TMEM182: variants seen among roughly 807,000 people sequenced by gnomAD.
TMEM182 encodes transmembrane protein 182.
TMEM182 carries 20 observed loss-of-function variants against 26.8 expected under a neutral mutation model. The observed-to-expected ratio is 0.75, with a 90% confidence interval of 0.53 to 1.09. TMEM182 has a LOEUF of 1.09. Among genes scored for constraint, TMEM182 ranks in the 50% least tolerant of loss-of-function variants. The pLI is 0.00. For missense variants in TMEM182, 277 were observed against 275.5 expected (o/e 1.01, Z -0.04); for synonymous variants, 109 against 102.2 (o/e 1.07, Z -0.40).
chr2:102,788,420 C>T (rs1681489433), intron 3 of TMEM182, among the ~76,000 whole-genome samples: 1 of 152,072 alleles, frequency 6.6e-6, no homozygotes, highest in South Asian at 2.1e-4. Context: ...TCACCTGGTC[C>T]CCTGGGGTGG....
chr2:102,800,575 A>C (rs1314936820), intron 4 of TMEM182, among the ~76,000 whole-genome samples: 2 of 152,212 alleles, frequency 1.3e-5, no homozygotes, highest in Non-Finnish European at 2.9e-5. Flanking sequence ...AGTTCCAGTA[A>C]GGGTACACAT....
chr2:102,771,855 C>G (rs756977125), intron 3 of TMEM182, among the ~76,000 whole-genome samples: 24 of 152,154 alleles, frequency 1.6e-4, no homozygotes, highest in South Asian at 2.1e-4. Flanking sequence ...TTTAGTGGCA[C>G]CCCTTTGCCT....
At chr2:102,829,556 A>C (rs1683112443) in intron 3 of TMEM182, among the ~76,000 whole-genome samples, 1 of 152,166 alleles carries the variant, frequency 6.6e-6, no homozygotes, top group Non-Finnish European at 1.5e-5. Context: ...AAGAGTCACC[A>C]TGGAAAGAGT....
At chr2:102,833,764 A>C (rs73944440) in intron 3 of TMEM182, among the ~76,000 whole-genome samples, 4,734 of 152,264 alleles carry the variant, frequency 0.031, 245 homozygotes, top group African/African-American at 0.11. Flanking sequence ...ACATTTGAAG[A>C]GTACTGGTCA....
chr2:102,758,292 C>T (rs1319484322), upstream of TMEM182: 1 of 561,916 alleles, frequency 1.8e-6, no homozygotes, highest in African/African-American at 1.9e-5. Flanking sequence ...TGAAGAACAC[C>T]ACAGCTGCTT....
At chr2:102,828,349 G>C (rs1440002819) in intron 3 of TMEM182, among the ~76,000 whole-genome samples, 2 of 152,120 alleles carry the variant, frequency 1.3e-5, no homozygotes, top group Admixed American at 1.3e-4. Context: ...TGGAGACACT[G>C]TTTCTACTCA....
chr2:102,751,737 T>C (rs1485006182), intron 1 of TMEM182, among the ~76,000 whole-genome samples: 1 of 152,120 alleles, frequency 6.6e-6, no homozygotes, highest in Non-Finnish European at 1.5e-5. Context: ...AGGCTGGAAC[T>C]CACTGTCACC....
chr2:102,739,796 G>A (rs969695101), intron 1 of TMEM182, among the ~76,000 whole-genome samples: 1 of 152,122 alleles, frequency 6.6e-6, no homozygotes, highest in Non-Finnish European at 1.5e-5. Flanking sequence ...TTATAGCAAT[G>A]CAAGAATGGA....
chr2:102,773,427 G>C (rs1386544449), intron 3 of TMEM182, among the ~76,000 whole-genome samples: 2 of 151,926 alleles, frequency 1.3e-5, no homozygotes, highest in Non-Finnish European at 2.9e-5. Context: ...GTGGAAACCA[G>C]AAGAAAGCGA....
upstream of TMEM182, chr2:102,757,372 T>C (rs1341124198): frequency 1.3e-5 from 2 of 152,178 alleles, no homozygotes; most frequent in Admixed American, 1.3e-4. Flanking sequence ...TGGGACCCCA[T>C]GAAGATCCCT....
chr2:102,756,404 T>A (rs2104646771), intron 1 of TMEM182, among the ~76,000 whole-genome samples: 1 of 152,308 alleles, frequency 6.6e-6, no homozygotes. Context: ...ATTCCCATTT[T>A]CCATATTAAA....
chr2:102,836,118 C>T (rs1284421517), intron 3 of TMEM182, among the ~76,000 whole-genome samples: 1 of 152,100 alleles, frequency 6.6e-6, no homozygotes, highest in Non-Finnish European at 1.5e-5. Context: ...TTTGGAGGTA[C>T]CACAGTTCTC....
intron 3 of TMEM182, among the ~76,000 whole-genome samples, chr2:102,768,878 G>A (rs755475063): frequency 2.6e-4 from 40 of 151,868 alleles, no homozygotes; most frequent in Non-Finnish European, 3.2e-4. Context: ...GAGGCTACAA[G>A]CAGGGAGGCA....
chr2:102,756,373 C>T lies in TMEM182; in HGVS notation c.-82-2016C>T, dbSNP rs530018291. 3.9e-5 allele frequency among the ~76,000 whole-genome samples: 6 copies of T among 152,296 alleles called. No individual in the cohort carries two copies. The East Asian group carries it at 7.7e-4, about 20-fold the overall frequency. On this transcript the variant is annotated intron_variant, in intron 1 of 5. Coordinates refer to the TMEM182 transcript ENST00000409173. ...ACACACGTCATCTTACCAAGTACCC[C>T]TAATAATCCTCTGAAGCAGTATTCC...
At chr2:102,759,781 T>C (rs1242535663), upstream of TMEM182, among the ~76,000 whole-genome samples, 1 of 152,158 alleles carries the variant, frequency 6.6e-6, no homozygotes, top group Admixed American at 6.5e-5. Context: ...GGAGAATCTG[T>C]TTTCTTTCCT....
intron 3 of TMEM182, among the ~76,000 whole-genome samples, chr2:102,791,848 C>T (rs1681653741): frequency 6.6e-6 from 1 of 151,982 alleles, no homozygotes. Flanking sequence ...TCTTCAAAGA[C>T]AAGGCTGTGT....
chr2:102,759,305 T>C (rs1264368914), upstream of TMEM182, among the ~76,000 whole-genome samples: 2 of 152,178 alleles, frequency 1.3e-5, no homozygotes, highest in Non-Finnish European at 2.9e-5. Flanking sequence ...CAACCACAAC[T>C]GTACAACCAC....
At chr2:102,783,233 T>C (rs1681249026) in intron 3 of TMEM182, among the ~76,000 whole-genome samples, 1 of 152,214 alleles carries the variant, frequency 6.6e-6, no homozygotes, top group South Asian at 2.1e-4. Flanking sequence ...ATGGGAACAC[T>C]ATGTTTGATT....
At chr2:102,750,805 C>A (rs1486588568) in intron 1 of TMEM182, among the ~76,000 whole-genome samples, 1 of 152,162 alleles carries the variant, frequency 6.6e-6, no homozygotes, top group East Asian at 1.9e-4. Flanking sequence ...TTTACCCACC[C>A]ACTGTGTTCA....
Sources: gnomAD v4.1 joint callset for allele counts (sites outside exome capture counted in the v4.1 genomes callset) on GRCh38, gnomAD v4.1.1 for gene constraint, MANE v1.5 for transcripts, NCBI Gene and HGNC (gene_info 2026-07-23, HGNC 2026-07-21) for gene names.